SOX6: variants seen among roughly 807,000 people sequenced by gnomAD.
SOX6 encodes the protein transcription factor SOX-6.
A neutral mutation model predicts 97.8 loss-of-function variants in SOX6; 11 were observed. The observed-to-expected ratio is 0.11, with a 90% CI of 0.07 to 0.19. SOX6 has a LOEUF of 0.19. Ranked by LOEUF, SOX6 falls within the 10% of genes least tolerant of loss-of-function variation. The pLI is 1.00. For missense variants in SOX6, 810 were observed against 1,039.5 expected (o/e 0.78, Z 3.04); for synonymous variants, 360 against 371.4 (o/e 0.97, Z 0.35).
At chr11:16,513,100 A>T (rs1338322011) in intron 4 of SOX6, among the ~76,000 whole-genome samples, 2 of 152,228 alleles carry the variant, frequency 1.3e-5, no homozygotes, top group Non-Finnish European at 2.9e-5. Flanking sequence ...AGTTTCTACA[A>T]CACATTGTTA....
chr11:16,486,187 C>T (rs972464970), intron 4 of SOX6, among the ~76,000 whole-genome samples: 25 of 151,998 alleles, frequency 1.6e-4, no homozygotes, highest in African/African-American at 5.3e-4. Flanking sequence ...TGTATTTTGA[C>T]GTCTTCACTA....
intron 12 of SOX6, among the ~76,000 whole-genome samples, chr11:16,042,193 G>C (rs1054639666): frequency 2.0e-5 from 3 of 152,124 alleles, no homozygotes; most frequent in South Asian, 2.1e-4. Flanking sequence ...CTGAGACCCA[G>C]GATTAATCAA....
chr11:16,065,985 A>G (rs1473311517), intron 9 of SOX6, among the ~76,000 whole-genome samples: 1 of 152,196 alleles, frequency 6.6e-6, no homozygotes, highest in Non-Finnish European at 1.5e-5. Context: ...CAATCCCAAT[A>G]ATGGGAGAAA....
chr11:16,394,326 A>G (rs1026336830), intron 1 of SOX6, among the ~76,000 whole-genome samples: 1 of 151,954 alleles, frequency 6.6e-6, no homozygotes, highest in African/African-American at 2.4e-5. Context: ...AATGTTATTA[A>G]TAATGGCACT....
At chr11:16,037,201 T>C (rs1564919253) in intron 12 of SOX6, among the ~76,000 whole-genome samples, 4 of 152,206 alleles carry the variant, frequency 2.6e-5, no homozygotes, top group Non-Finnish European at 2.9e-5. Flanking sequence ...GCAACTCAGA[T>C]ATTTAAAAAA....
At chr11:16,226,311 A>C (rs1852685424) in intron 4 of SOX6, among the ~76,000 whole-genome samples, 1 of 138,134 alleles carries the variant, frequency 7.2e-6, no homozygotes, top group African/African-American at 2.7e-5. Flanking sequence ...CTATCACATA[A>C]TTGTGTTTTT....
chr11:16,246,135 C>A (rs1257323181), intron 3 of SOX6, among the ~76,000 whole-genome samples: 5 of 151,218 alleles, frequency 3.3e-5, no homozygotes, highest in Non-Finnish European at 7.4e-5. Context: ...CAACAGTCTA[C>A]CTTCAATAAT....
intron 4 of SOX6, among the ~76,000 whole-genome samples, chr11:16,213,331 T>G (rs1337357970): frequency 5.3e-5 from 8 of 151,946 alleles, no homozygotes; most frequent in Non-Finnish European, 1.0e-4. Flanking sequence ...TTTCTTCTTC[T>G]TTAGTATTTT....
chr11:16,633,537 A>G (rs961613906), intron 3 of SOX6, among the ~76,000 whole-genome samples: 2 of 152,258 alleles, frequency 1.3e-5, no homozygotes, highest in Admixed American at 6.5e-5. Context: ...AACTTGAAAG[A>G]AGCTGTGGGT....
In SOX6 at chr11:16,101,697, A is replaced by C. The variant is rs559512710; in HGVS notation, c.899-4009T>G. Among the ~76,000 whole-genome samples, 27 of 151,926 alleles carry C rather than the reference A, an allele frequency of 1.8e-4. No homozygotes were observed. The Middle Eastern group carries it at 0.014, about 77-fold the overall frequency. On this transcript the variant is annotated intron_variant, in intron 7 of 15. Coordinates refer to ENST00000683767, the MANE Select transcript of SOX6 (RefSeq NM_001367873.1). Reference sequence around the variant, plus strand: ...ATTGATTTAAAAAATCCTCAGTTTCATACTAGGGATGCAGGGATGGCTTAA... The same window carrying C: ...ATTGATTTAAAAAATCCTCAGTTTCCTACTAGGGATGCAGGGATGGCTTAA...
At chr11:16,420,247 GT>G (rs1858997308) in intron 1 of SOX6, among the ~76,000 whole-genome samples, 1 of 152,120 alleles carries the variant, frequency 6.6e-6, no homozygotes, top group Non-Finnish European at 1.5e-5. Context: ...CAATTAATAA[GT>G]TTTTTAAAGG....
At chr11:16,631,873 T>C (rs944849027) in intron 3 of SOX6, among the ~76,000 whole-genome samples, 32 of 152,230 alleles carry the variant, frequency 2.1e-4, no homozygotes, top group African/African-American at 7.7e-4. Context: ...GTCCAGTTTA[T>C]TGATAAAGAT....
chr11:16,457,486 T>C (rs1859831155), intron 1 of SOX6, among the ~76,000 whole-genome samples: 1 of 152,038 alleles, frequency 6.6e-6, no homozygotes, highest in African/African-American at 2.4e-5. Context: ...GGGCCCACTA[T>C]TACCAAATAT....
intron 3 of SOX6, among the ~76,000 whole-genome samples, chr11:16,678,819 G>A (rs926866367): frequency 2.6e-5 from 4 of 152,184 alleles, no homozygotes; most frequent in African/African-American, 9.7e-5. Context: ...TGGCTCGGTG[G>A]GTCCCACACC....
rs59320140 is a variant in SOX6 at position 16,567,561 on chromosome 11, C to CTTTTTTTTT, written n.609+44511_609+44519dup. Among the ~76,000 whole-genome samples, 35 of 87,354 alleles carry CTTTTTTTTT rather than the reference C, an allele frequency of 4.0e-4. 1 individual carries two copies. Among genetic ancestry groups the CTTTTTTTTT allele is most frequent in the East Asian group, 1.1e-3 (4 of 3,498 alleles). 57.3% of individuals were successfully genotyped at this position (87,354 alleles called of 152,430 possible). On this transcript the variant is annotated intron_variant and non_coding_transcript_variant, in intron 4 of 5. Transcript: ENST00000524520. ...TATTAATGGTATGTCATATTTTTTT[C>CTTTTTTTTT]TTTTTTTTTTTTTTTTTTTTTTTTT...
chr11:16,178,626 G>A (rs1472140517), intron 6 of SOX6, among the ~76,000 whole-genome samples: 2 of 151,788 alleles, frequency 1.3e-5, no homozygotes, highest in Admixed American at 6.6e-5. Context: ...TCTTTGCAAG[G>A]GAGTATCATA....
chr11:16,295,221 G>A (rs1212334937), intron 3 of SOX6, among the ~76,000 whole-genome samples: 4 of 151,988 alleles, frequency 2.6e-5, no homozygotes, highest in Admixed American at 6.6e-5. Context: ...AAAGTTCTAC[G>A]AGACTTATTT....
chr11:16,305,100 G>A (rs77054289), intron 3 of SOX6, among the ~76,000 whole-genome samples: 1 of 152,208 alleles, frequency 6.6e-6, no homozygotes, highest in East Asian at 1.9e-4. Flanking sequence ...ACTTTCATCT[G>A]TGAAAGCCCA....
At chr11:16,187,068 C>T (rs1851499168) in intron 4 of SOX6, 113 bp from the exon 5 acceptor site, 2 of 1,185,566 alleles carry the variant, frequency 1.7e-6, no homozygotes, top group Non-Finnish European at 2.5e-6. Context: ...AGATCTGGGA[C>T]AATGACTGGA....
Sources: allele counts gnomAD v4.1 joint callset (sites outside exome capture counted in the v4.1 genomes callset), GRCh38; gene constraint gnomAD v4.1.1; transcripts MANE v1.5; gene names NCBI Gene and HGNC (gene_info 2026-07-23, HGNC 2026-07-21).